Variants in ADARB2 observed in about 807,000 individuals in gnomAD.
The protein encoded by ADARB2 is adenosine deaminase RNA specific B2 (inactive), also known as inactive double-stranded RNA-specific editase B2.
In ADARB2, 25 loss-of-function variants were observed where a neutral mutation model predicts 62.2. That is an observed-to-expected ratio of 0.40 (90% confidence interval 0.29 to 0.56). The LOEUF (loss-of-function observed/expected upper bound fraction) is 0.56. Among genes scored for constraint, ADARB2 ranks in the 20% least tolerant of loss-of-function variants. The pLI is 0.43. For synonymous variants in ADARB2, 572 were observed against 500.8 expected, an observed-to-expected ratio of 1.14 and a Z score of -1.90; for missense variants, 1,071 against 1,077.4, an observed-to-expected ratio of 0.99 and a Z score of 0.08.
intron 1 of ADARB2, among the ~76,000 whole-genome samples, chr10:1,522,952 A>G (rs1036216713): frequency 1.3e-5 from 2 of 152,062 alleles, no homozygotes; most frequent in African/African-American, 4.8e-5. Context: ...GAGGATCACA[A>G]TGTTATTGCT....
At chr10:1,303,918 T>A (rs918424450) in intron 3 of ADARB2, among the ~76,000 whole-genome samples, 14 of 152,140 alleles carry the variant, frequency 9.2e-5, no homozygotes, top group African/African-American at 3.1e-4. Context: ...CACTGCAAAA[T>A]CATGCCAAAA....
At chr10:1,685,710 A>T (rs555479496) in intron 1 of ADARB2, among the ~76,000 whole-genome samples, 1 of 152,330 alleles carries the variant, frequency 6.6e-6, no homozygotes, top group South Asian at 2.1e-4. Context: ...AGGGACTCAG[A>T]TGTTTCTCAG....
intron 3 of ADARB2, among the ~76,000 whole-genome samples, chr10:1,321,511 G>T (rs899351541): frequency 3.9e-5 from 6 of 152,074 alleles, no homozygotes; most frequent in African/African-American, 1.2e-4. Context: ...CTCCTGACTA[G>T]CTGGGACTAA....
intron 1 of ADARB2, among the ~76,000 whole-genome samples, chr10:1,580,961 G>A (rs1386341148): frequency 6.6e-6 from 1 of 152,212 alleles, no homozygotes; most frequent in African/African-American, 2.4e-5. Context: ...GAAGCCCAGT[G>A]CTTATTCCCT....
At chr10:1,385,163 A>G (rs1413932107) in intron 1 of ADARB2, among the ~76,000 whole-genome samples, 3 of 152,212 alleles carry the variant, frequency 2.0e-5, no homozygotes, top group Non-Finnish European at 2.9e-5. Flanking sequence ...CTGCTAGAAG[A>G]AAACTCAAGG....
chr10:1,361,255 A>C (rs1456828782), intron 3 of ADARB2: 1 of 148,784 alleles, frequency 6.7e-6, no homozygotes, highest in Non-Finnish European at 1.5e-5. Context: ...TGGCAAGTTT[A>C]AGCTACAGAG....
chr10:1,416,086 A>G (rs933977488), intron 1 of ADARB2, among the ~76,000 whole-genome samples: 1 of 152,218 alleles, frequency 6.6e-6, no homozygotes, highest in Admixed American at 6.5e-5. Flanking sequence ...GCCATCCGTG[A>G]AGATCTAAGT....
intron 1 of ADARB2, among the ~76,000 whole-genome samples, chr10:1,546,088 C>A (rs980197865): frequency 3.9e-5 from 6 of 152,120 alleles, no homozygotes; most frequent in African/African-American, 1.4e-4. Context: ...AGCCCCTTGC[C>A]TGCCTTGACT....
chr10:1,451,454 G>T (rs370207866), intron 1 of ADARB2, among the ~76,000 whole-genome samples: 7 of 152,246 alleles, frequency 4.6e-5, no homozygotes, highest in Admixed American at 1.3e-4. Flanking sequence ...TCCTTAGGTG[G>T]ACAGCAGGAT....
At chr10:1,548,403 A>T (rs1293531273) in intron 1 of ADARB2, among the ~76,000 whole-genome samples, 1 of 152,256 alleles carries the variant, frequency 6.6e-6, no homozygotes, top group Non-Finnish European at 1.5e-5. Context: ...CAGTGAGTAC[A>T]GAGCCTGAGG....
chr10:1,302,169 G>A (rs968215807), intron 3 of ADARB2, among the ~76,000 whole-genome samples: 45 of 152,242 alleles, frequency 3.0e-4, no homozygotes, highest in South Asian at 6.2e-4. Context: ...CAGTGGGTGC[G>A]CACACCGTGC....
intron 1 of ADARB2, among the ~76,000 whole-genome samples, chr10:1,515,724 A>T (rs987521712): frequency 6.6e-6 from 1 of 152,230 alleles, no homozygotes; most frequent in African/African-American, 2.4e-5. Context: ...AGGAAAAAGT[A>T]ACTTCAGATC....
At chr10:1,413,818 G>A (rs1023532907) in intron 1 of ADARB2, among the ~76,000 whole-genome samples, 9 of 152,300 alleles carry the variant, frequency 5.9e-5, no homozygotes, top group Admixed American at 2.0e-4. Flanking sequence ...AGTAAAAACC[G>A]ATTTGTAAAT....
At chr10:1,342,927 C>T (rs1380731616) in intron 3 of ADARB2, among the ~76,000 whole-genome samples, 1 of 152,174 alleles carries the variant, frequency 6.6e-6, no homozygotes, top group African/African-American at 2.4e-5. Flanking sequence ...TTGGGGAATG[C>T]ACAAAAGTTG....
At chr10:1,217,211 A>C (rs1351350897) in intron 6 of ADARB2, 92 bp from the exon 7 acceptor site, 22 of 1,277,142 alleles carry the variant, frequency 1.7e-5, no homozygotes, top group Non-Finnish European at 2.3e-5. Context: ...ACAGAGGTCA[A>C]AGGGCCCCTC....
intron 3 of ADARB2, among the ~76,000 whole-genome samples, chr10:1,283,465 T>G (rs1339283965): frequency 1.3e-5 from 2 of 152,208 alleles, no homozygotes; most frequent in Non-Finnish European, 2.9e-5. Context: ...GTCCTACAAG[T>G]GGCTCATTGG....
intron 4 of ADARB2, among the ~76,000 whole-genome samples, chr10:1,256,661 A>G (rs2131786818): frequency 6.6e-6 from 1 of 152,332 alleles, no homozygotes; most frequent in African/African-American, 2.4e-5. Flanking sequence ...GATCCTCAAC[A>G]TCAACACTGC....
chr10:1,368,061 C>T (rs746606126), intron 2 of ADARB2, among the ~76,000 whole-genome samples: 5 of 152,154 alleles, frequency 3.3e-5, no homozygotes, highest in African/African-American at 4.8e-5. Flanking sequence ...GCACAGGCCC[C>T]GATTCCCATT....
intron 1 of ADARB2, among the ~76,000 whole-genome samples, chr10:1,686,647 G>A (rs1375025152): frequency 3.3e-5 from 5 of 152,074 alleles, no homozygotes; most frequent in South Asian, 2.1e-4. Flanking sequence ...GGTGCACCCT[G>A]GCTTGTCTCT....
Sources: allele counts gnomAD v4.1 joint callset (sites outside exome capture counted in the v4.1 genomes callset), GRCh38; gene constraint gnomAD v4.1.1; transcripts MANE v1.5; gene names NCBI Gene and HGNC (gene_info 2026-07-23, HGNC 2026-07-21).